Variants in SLC12A5 observed in about 807,000 individuals in gnomAD.
SLC12A5 encodes the protein solute carrier family 12 member 5.
A neutral mutation model predicts 124.0 loss-of-function variants in SLC12A5; 18 were observed. The ratio of observed to expected loss-of-function variants is 0.15; its 90% confidence interval spans 0.10 to 0.22. The LOEUF is 0.22. Among genes scored for constraint, SLC12A5 ranks in the 10% least tolerant of loss-of-function variants. SLC12A5 has a pLI of 1.00. For missense variants in SLC12A5, 867 were observed against 1,478.7 expected (o/e 0.59, Z 6.78); for synonymous variants, 589 against 568.0 (o/e 1.04, Z -0.53).
rs1178335682 is a variant in SLC12A5, at chr20:46,035,460, C to T, written c.204C>T (p.Tyr68=). The change falls in exon 3 of 26, where the codon TAC becomes TAT. Residue 68 remains tyrosine, a synonymous_variant. Transcript: ENST00000243964. ...VSSLLSGLAN[Y]TNLPQGSREH... ...CCTTGCTCAGTGGCCTGGCCAACTA[C>T]ACCAACCTGCCCCAGGGAAGTAGGG... 1.2e-6 allele frequency: 2 copies of T among 1,613,818 alleles called. No homozygotes were observed. The highest frequency in any genetic ancestry group is 2.2e-5 in the East Asian group (1 of 44,880).
upstream of SLC12A5, among the ~76,000 whole-genome samples, chr20:46,026,911 G>A (rs1035284676): frequency 6.6e-6 from 1 of 152,204 alleles, no homozygotes; most frequent in South Asian, 2.1e-4. Flanking sequence ...GTTTCCCCAT[G>A]CATGGGCTTA....
rs569480471 is a variant in SLC12A5, at chr20:46,041,998, C to A, written c.1066+458C>A. On this transcript the variant is annotated intron_variant, in intron 8 of 25. Coordinates refer to ENST00000243964, the MANE Select transcript of SLC12A5 (RefSeq NM_020708.5). ...CTCAACTGAGGAGGGTTTTGAAGGACAAATGAAAGATCTTCAATTCTATGA... is the reference window on the plus strand; with the variant it reads ...CTCAACTGAGGAGGGTTTTGAAGGAAAAATGAAAGATCTTCAATTCTATGA... 9.9e-5 allele frequency among the ~76,000 whole-genome samples: 15 copies of A among 152,102 alleles called. No homozygotes were observed. The South Asian group carries it at 2.9e-3, about 30-fold the overall frequency.
chr20:46,045,458 GA>G lies in SLC12A5; in HGVS notation c.1569+324del. 6.6e-6 allele frequency among the ~76,000 whole-genome samples: 1 copy of G among 152,234 alleles called. No individual in the cohort carries two copies. The highest frequency in any genetic ancestry group is 2.4e-5 in the African/African-American group (1 of 41,548). Reference sequence around the variant, plus strand: ...CCTTGGAGCACTGTCTGCTCTTGGGGAAAAAATAAATGGCCCTGTTTTGGCA... The same window carrying G: ...CCTTGGAGCACTGTCTGCTCTTGGGGAAAAATAAATGGCCCTGTTTTGGCA... On this transcript the variant is annotated intron_variant, in intron 12 of 25. Transcript: ENST00000243964. This position sits in a 1 kb window ranked among gnomAD's most constrained non-coding sequence, Gnocchi z 4.9.
intron 11 of SLC12A5, among the ~76,000 whole-genome samples, chr20:46,044,361 G>A (rs529604073): frequency 6.6e-6 from 1 of 152,174 alleles, no homozygotes; most frequent in East Asian, 1.9e-4. Flanking sequence ...AAGTGCAGTC[G>A]GTAGGGGTGG....
chr20:46,057,567 C>CGCG lies in SLC12A5; in HGVS notation c.3322_3324dup (p.Gly1108dup). The CGCG allele has an allele frequency of 6.2e-7, 1 of 1,614,040 alleles. No homozygotes were observed. Among genetic ancestry groups the CGCG allele is most frequent in the Non-Finnish European group, 8.5e-7 (1 of 1,179,978 alleles). ...GCACCTGGACCGGGTGATGCTGGTC[C>CGCG]GCGGCGGCGGCCGCGAGGTCATCAC... On this transcript the variant is annotated inframe_insertion, in exon 26 of 26. Transcript: ENST00000243964. The surrounding 1 kb of genome is among the most constrained non-coding windows in gnomAD (Gnocchi z 7.1).
intron 15 of SLC12A5, 49 bp from the exon 16 acceptor site, chr20:46,047,932 G>A (rs1479167571): frequency 6.5e-7 from 1 of 1,527,804 alleles, no homozygotes; most frequent in Admixed American, 1.9e-5. Context: ...GGTTCTCCCT[G>A]CCCCCTCCTG....
chr20:46,047,434 G>T lies in SLC12A5; in HGVS notation c.1788-20G>T, dbSNP rs369230819. 1.4e-5 allele frequency: 23 copies of T among 1,611,480 alleles called. No homozygotes were observed. Among genetic ancestry groups the T allele is most frequent in the Non-Finnish European group, 1.6e-5 (19 of 1,178,344 alleles). On this transcript the variant is annotated intron_variant, in intron 14 of 25. Transcript: ENST00000243964. ...CAGCCCTGCTGGGGCTCAGAGGCTG[G>T]GTCTCCCCACCTTGTCTAGGACCCT...
intron 14 of SLC12A5, among the ~76,000 whole-genome samples, chr20:46,046,770 T>C (rs2084599724): frequency 1.3e-5 from 2 of 152,220 alleles, no homozygotes. Context: ...TGTGAGATCT[T>C]GGGCTGATGA....
At chr20:46,028,979 A>G (rs1347899001), upstream of SLC12A5, 1 of 310,196 alleles carries the variant, frequency 3.2e-6, no homozygotes, top group African/African-American at 2.2e-5. Context: ...CCCCCGAAGC[A>G]CCCCCTTCAT....
rs1203908091 is a variant in SLC12A5 at position 46,049,644 on chromosome 20, C to G, written c.2035C>G (p.Arg679Gly). The change falls in exon 17 of 26, where the codon CGT becomes GGT. Residue 679 changes from arginine (R) to glycine (G), a missense_variant. Around this residue, in one of 9 missense-constraint regions of SLC12A5, gnomAD observed 38 missense variants for 36.2 expected, o/e 1.05. Transcript: ENST00000243964. ...NWRPQLLVLV[R>G]VDQDQNVVHP... ...CAGGCCACAGCTGCTGGTGCTGGTG[C>G]GTGTGGACCAAGACCAGAATGTGGT... 6.2e-7 allele frequency: 1 copy of G among 1,605,270 alleles called. No homozygotes were observed. The highest frequency in any genetic ancestry group is 2.2e-5 in the East Asian group (1 of 44,596).
chr20:46,043,654 G>A lies in SLC12A5; in HGVS notation c.1259G>A (p.Arg420His), dbSNP rs757586510. 1 of 1,614,140 alleles carries A rather than the reference G, an allele frequency of 6.2e-7. No individual in the cohort carries two copies. Among genetic ancestry groups the A allele is most frequent in the Non-Finnish European group, 8.5e-7 (1 of 1,180,030 alleles). ...GCAGGGATCATGGCTGGTTCTAACC[G>A]CTCTGGGGACCTGAGGGATGCCCAG... is the stretch of plus-strand genomic sequence containing the variant. ...SVTGIMAGSN[R>H]SGDLRDAQKS... Residue 420 changes from arginine (R) to histidine (H), a missense_variant, in exon 10 of 26, where the codon CGC becomes CAC. Arg to His is a conservative substitution (Grantham distance 29). This residue lies in a region of SLC12A5 where 152 missense variants were observed against 358.7 expected (regional missense o/e 0.42). Coordinates refer to ENST00000243964, the MANE Select transcript of SLC12A5 (RefSeq NM_020708.5).
chr20:46,058,242 C>A lies in SLC12A5; in HGVS notation c.*637C>A. Reference sequence around the variant, plus strand: ...GGGGCACTGCGGGGAGGCGAGGCCTCGGGAAGCTGAATTTTCCTTGACGTC... The same window carrying A: ...GGGGCACTGCGGGGAGGCGAGGCCTAGGGAAGCTGAATTTTCCTTGACGTC... On this transcript the variant is annotated 3_prime_UTR_variant, in exon 26 of 26. Transcript: ENST00000243964. The surrounding 1 kb of genome is among the most constrained non-coding windows in gnomAD (Gnocchi z 5.8). The A allele has an allele frequency of 2.6e-6, 1 of 385,662 alleles. No individual in the cohort carries two copies. The highest frequency in any genetic ancestry group is 4.6e-6 in the Non-Finnish European group (1 of 218,174). The allele number at this position is 385,662 out of a possible 1,614,324, so 23.9% of individuals were successfully genotyped here. A position where few individuals can be genotyped will look rare whatever the true frequency, so the allele number is the denominator to read the frequency against.
chr20:46,054,991 A>G lies in SLC12A5; in HGVS notation c.2755A>G (p.Met919Val), dbSNP rs776969305. The change falls in exon 21 of 26, where the codon ATG becomes GTG. Residue 919 changes from methionine (M) to valine (V), a missense_variant. By Grantham distance (21) the Met-to-Val change is conservative. Coordinates refer to ENST00000243964, the MANE Select transcript of SLC12A5 (RefSeq NM_020708.5). ...GCAGCGTTCCCAGATCCTCAAACAG[A>G]TGCATTTAACCAAGAATGAGCGGGA... is the stretch of plus-strand genomic sequence containing the variant. ...MEQRSQILKQ[M>V]HLTKNERERE... The G allele has an allele frequency of 6.2e-7, 1 of 1,613,996 alleles. No individual in the cohort carries two copies. Among genetic ancestry groups the G allele is most frequent in the South Asian group, 1.1e-5 (1 of 91,072 alleles).
At chr20:46,036,673 C>CTTGG in intron 4 of SLC12A5, 68 bp from the exon 5 acceptor site, 3 of 1,571,102 alleles carry the variant, frequency 1.9e-6, no homozygotes, top group Non-Finnish European at 2.6e-6. Context: ...GGGTATAAGG[C>CTTGG]TTGGCCCCCA....
intron 16 of SLC12A5, 115 bp from the exon 17 acceptor site, chr20:46,049,507 G>A: frequency 7.6e-7 from 1 of 1,324,128 alleles, no homozygotes; most frequent in Non-Finnish European, 1.0e-6. Context: ...GGGTATAGGT[G>A]GATGGGACAG....
Position 46,057,399 on chromosome 20 carries a change from C to A in SLC12A5, c.3259+96C>A. On this transcript the variant is annotated intron_variant, in intron 25 of 25. Coordinates refer to ENST00000243964, the MANE Select transcript of SLC12A5 (RefSeq NM_020708.5). This position sits in a 1 kb window ranked among gnomAD's most constrained non-coding sequence, Gnocchi z 7.1. ...GGAAGAGCTGAGCTGTTCCTGCCTC[C>A]GGATCAGCACCTCGGACAGGGACAC... The A allele has an allele frequency of 6.2e-7, 1 of 1,604,210 alleles. No homozygotes were observed. The highest frequency in any genetic ancestry group is 8.5e-7 in the Non-Finnish European group (1 of 1,171,264).
rs371729546 is a variant in SLC12A5, at chr20:46,059,927, CTAT to C, written c.*2331_*2333del. 4 of 304,992 alleles carry C rather than the reference CTAT, an allele frequency of 1.3e-5. No individual in the cohort carries two copies. The highest frequency in any genetic ancestry group is 2.1e-5 in the African/African-American group (1 of 46,624). 18.9% of individuals were successfully genotyped at this position (304,992 alleles called of 1,614,324 possible). ...TCAAGAGTATTTATTACTATTACTG[CTAT>C]TATTATTAGGCCTGCCTTTAATTTT... On this transcript the variant is annotated 3_prime_UTR_variant, in exon 26 of 26. Transcript: ENST00000243964.
upstream of SLC12A5, among the ~76,000 whole-genome samples, chr20:46,026,477 C>A (rs2084399944): frequency 6.6e-6 from 1 of 152,102 alleles, no homozygotes; most frequent in African/African-American, 2.4e-5. Context: ...TTCTCTGAAC[C>A]TCACCACAGA....
intron 9 of SLC12A5, 59 bp downstream of exon 9, chr20:46,043,382 CGAT>C: frequency 6.4e-7 from 1 of 1,564,954 alleles, no homozygotes. Flanking sequence ...AAGAGAGAGT[CGAT>C]GATGATGTTG....
Sources: gnomAD v4.1 joint callset for allele counts (sites outside exome capture counted in the v4.1 genomes callset) on GRCh38, gnomAD v4.1.1 for gene constraint, gnomAD v4.1.1 regional missense constraint, Gnocchi (gnomAD v3.1) non-coding constraint, MANE v1.5 for transcripts, NCBI Gene and HGNC (gene_info 2026-07-23, HGNC 2026-07-21) for gene names.